GFM2: variants seen among roughly 807,000 people sequenced by gnomAD.
GFM2 encodes GTP dependent ribosome recycling factor mitochondrial 2.
Under a neutral mutation model 95.4 loss-of-function variants are expected in GFM2, and 72 were observed. The ratio of observed to expected loss-of-function variants is 0.76; its 90% CI spans 0.62 to 0.92. The LOEUF (loss-of-function observed/expected upper bound fraction) is 0.92. Among genes scored for constraint, GFM2 ranks in the 40% least tolerant of loss-of-function variants. The pLI is 0.00. For missense variants in GFM2, 825 were observed against 924.1 expected, an observed-to-expected ratio of 0.89 and a Z score of 1.39; for synonymous variants, 276 against 317.5, an observed-to-expected ratio of 0.87 and a Z score of 1.39.
At chr5:74,762,426 T>C (rs1744331023) in intron 2 of GFM2, among the ~76,000 whole-genome samples, 1 of 152,226 alleles carries the variant, frequency 6.6e-6, no homozygotes, top group South Asian at 2.1e-4. Flanking sequence ...TATGTGACCA[T>C]AATTTTTGTA....
In GFM2 at chr5:74,758,950, T is replaced by A. The variant is rs765471025; in HGVS notation, c.207-4A>T. ...CATAATTCCAATATTACGGATTCTGTTTAAAAGGAAAAAATAAGGTAAACT... is the reference window on the plus strand; with the variant it reads ...CATAATTCCAATATTACGGATTCTGATTAAAAGGAAAAAATAAGGTAAACT... On this transcript the variant is annotated splice_region_variant and splice_polypyrimidine_tract_variant and intron_variant, in intron 4 of 20. Transcript: ENST00000296805. 7 of 1,573,844 alleles carry A rather than the reference T, an allele frequency of 4.4e-6. No homozygotes were observed. The highest frequency in any genetic ancestry group is 8.7e-7 in the Non-Finnish European group (1 of 1,147,058).
chr5:74,731,575 C>A (rs1428994526), intron 16 of GFM2, among the ~76,000 whole-genome samples: 1 of 152,004 alleles, frequency 6.6e-6, no homozygotes, highest in African/African-American at 2.4e-5. Context: ...TTTGGCTGAT[C>A]CTAATTTAAA....
rs531991134 is a variant in GFM2 at position 74,728,878 on chromosome 5, C to A, written c.1726+1382G>T. Reference sequence around the variant, plus strand: ...TCAAGCAATTCTCCTGCCTCATCCTCCTGAGTAGCTGGGATTATAGGCACT... The same window carrying A: ...TCAAGCAATTCTCCTGCCTCATCCTACTGAGTAGCTGGGATTATAGGCACT... On this transcript the variant is annotated intron_variant, in intron 17 of 20. Transcript: ENST00000296805. 2.0e-5 allele frequency among the ~76,000 whole-genome samples: 3 copies of A among 149,964 alleles called. No homozygotes were observed. The East Asian group carries it at 6.0e-4, about 30-fold the overall frequency.
In GFM2 at chr5:74,758,944, A is replaced by T; in HGVS notation, c.209T>A (p.Ile70Asn). The T allele has an allele frequency of 6.3e-7, 1 of 1,591,786 alleles. No individual in the cohort carries two copies. The highest frequency in any genetic ancestry group is 8.6e-7 in the Non-Finnish European group (1 of 1,161,458). Residue 70 changes from isoleucine to asparagine, a missense_variant and splice_region_variant, in exon 5 of 21, where the codon ATC (isoleucine) becomes AAC (asparagine). Coordinates refer to ENST00000296805, the MANE Select transcript of GFM2 (RefSeq NM_032380.5). ...HSIINPPIAK[I>N]RNIGIMAHID... is the part of the protein sequence containing the mutation. ...ATGAGCCATAATTCCAATATTACGG[A>T]TTCTGTTTAAAAGGAAAAAATAAGG...
At chr5:74,755,537 GGAGATACTATA>G (rs1433698222) in intron 5 of GFM2, among the ~76,000 whole-genome samples, 2 of 152,026 alleles carry the variant, frequency 1.3e-5, no homozygotes, top group Non-Finnish European at 2.9e-5. Flanking sequence ...AAACAAAACA[GGAGATACTATA>G]ACTGATACCA....
rs1749890736 is a variant in GFM2 at position 74,721,709 on chromosome 5, G to C, written c.2286C>G (p.Ala762=). The change falls in exon 21 of 21, where the codon GCC becomes GCG. Residue 762 remains alanine, a synonymous_variant. Transcript: ENST00000296805. Reference sequence around the variant, plus strand: ...GTGTATTTTGATCTTGAGGATTCATGGCTTGATAAGTAGATAGTTCTAAGG... The same window carrying C: ...GTGTATTTTGATCTTGAGGATTCATCGCTTGATAAGTAGATAGTTCTAAGG... The part of the protein sequence containing the change: ...TFALELSTYQ[A]MNPQDQNTLL... The C allele has an allele frequency of 1.9e-6, 3 of 1,613,686 alleles. No individual in the cohort carries two copies. The East Asian group carries it at 6.7e-5, about 36-fold the overall frequency.
chr5:74,729,302 CT>C (rs2112226355), intron 17 of GFM2, among the ~76,000 whole-genome samples: 2 of 152,302 alleles, frequency 1.3e-5, no homozygotes, highest in Admixed American at 6.5e-5. Flanking sequence ...TTGCCCTCTG[CT>C]TTTGTGGAAA....
chr5:74,766,660 C>T lies in GFM2; in HGVS notation c.-25+278G>A, dbSNP rs192818221. The stretch of plus-strand genomic sequence containing the variant: ...TTCTTCTTTTCTAACAGCTGCAAAG[C>T]CCCAGTAGTTCCATTTTTCTGTACA... On this transcript the variant is annotated intron_variant, in intron 1 of 20. Coordinates refer to ENST00000296805, the MANE Select transcript of GFM2 (RefSeq NM_032380.5). 6.6e-5 allele frequency among the ~76,000 whole-genome samples: 10 copies of T among 152,324 alleles called. No homozygotes were observed. The East Asian group carries it at 1.9e-3, about 29-fold the overall frequency.
rs373499834 is a variant in GFM2 at position 74,751,394 on chromosome 5, T to C, written c.404A>G (p.Tyr135Cys). 3 of 1,613,146 alleles carry C rather than the reference T, an allele frequency of 1.9e-6. No individual in the cohort carries two copies. In the African/African-American group the frequency reaches 4.0e-5, roughly 22 times the overall value. Residue 135 changes from tyrosine (Y) to cysteine (C), a missense_variant, in exon 6 of 21, where the codon TAT (tyrosine) becomes TGT (cysteine). Tyr to Cys is a radical substitution (Grantham distance 194, BLOSUM62 -2). Coordinates refer to ENST00000296805, the MANE Select transcript of GFM2 (RefSeq NM_032380.5). The stretch of plus-strand genomic sequence containing the variant: ...TGGTGTATCAATTAGATTGACTCTA[T>C]AACCTTTCCAATCAAATGTAACAGC... Reference protein sequence around the residue: ...SAAVTFDWKGYRVNLIDTPGH... With the variant: ...SAAVTFDWKGCRVNLIDTPGH...
In GFM2 at chr5:74,765,147, T is replaced by C. The variant is rs1744495751; in HGVS notation, c.-24-1381A>G. The C allele has an allele frequency of 2.6e-6, 3 of 1,155,692 alleles. No homozygotes were observed. The African/African-American group carries it at 4.8e-5, about 19-fold the overall frequency. The allele number at this position is 1,155,692 out of a possible 1,614,324, so 71.6% of individuals were successfully genotyped here. A position where few individuals can be genotyped will look rare whatever the true frequency, so the allele number is the denominator to read the frequency against. The stretch of plus-strand genomic sequence containing the variant: ...TCAGGGCCTCATAGTCTCTCCACAG[T>C]TGTGACTGTAATAGACATTTTCCTC... On this transcript the variant is annotated intron_variant, in intron 1 of 20. Coordinates refer to ENST00000296805, the MANE Select transcript of GFM2 (RefSeq NM_032380.5).
At chr5:74,751,920 C>A (rs1208502540) in intron 5 of GFM2, among the ~76,000 whole-genome samples, 1 of 152,090 alleles carries the variant, frequency 6.6e-6, no homozygotes, top group Non-Finnish European at 1.5e-5. Context: ...TTGAGGCAAA[C>A]TACTTAACCT....
chr5:74,761,034 C>T, intron 2 of GFM2, 48 bp from the exon 3 acceptor site: 1 of 1,021,376 alleles, frequency 9.8e-7, no homozygotes, highest in Non-Finnish European at 1.5e-6. Flanking sequence ...TTTAGCATCA[C>T]TTATTACAGT....
intron 19 of GFM2, among the ~76,000 whole-genome samples, chr5:74,724,141 A>C (rs2112204982): frequency 6.6e-6 from 1 of 152,310 alleles, no homozygotes; most frequent in South Asian, 2.1e-4. Flanking sequence ...AAGCCCCCAT[A>C]AAGTTAATTC....
intron 16 of GFM2, chr5:74,730,652 T>C: frequency 3.4e-6 from 1 of 294,482 alleles, no homozygotes. Context: ...GCTGGGCAAG[T>C]AGCATCTGGC....
chr5:74,738,933 T>C (rs772444243), intron 12 of GFM2, among the ~76,000 whole-genome samples: 1 of 152,130 alleles, frequency 6.6e-6, no homozygotes, highest in Non-Finnish European at 1.5e-5. Flanking sequence ...CCTGGGAATA[T>C]CACACTACTT....
At chr5:74,752,035 T>C (rs751818984) in intron 5 of GFM2, among the ~76,000 whole-genome samples, 16 of 152,122 alleles carry the variant, frequency 1.1e-4, no homozygotes, top group Non-Finnish European at 2.1e-4. Context: ...TGATAAATGA[T>C]AGCCACACGG....
intron 20 of GFM2, 159 bp downstream of exon 20, chr5:74,722,220 C>T (rs987536979): frequency 1.5e-6 from 1 of 646,222 alleles, no homozygotes; most frequent in Non-Finnish European, 2.6e-6. Context: ...AATTTAAATT[C>T]AAAGTCCTAA....
chr5:74,744,257 T>C lies in GFM2; in HGVS notation c.849+1421A>G, dbSNP rs112611281. ...TGGTAAGTATTTGTGTATCTCAACA[T>C]AGAAAAGGTACAGGAAAAATATAGT... On this transcript the variant is annotated intron_variant, in intron 10 of 20. Transcript: ENST00000296805. Among the ~76,000 whole-genome samples, 631 of 152,080 alleles carry C rather than the reference T, an allele frequency of 4.1e-3. 6 individuals are homozygous for C. The highest frequency in any genetic ancestry group is 0.017 in the South Asian group (83 of 4,820).
At chr5:74,759,315 C>A in intron 4 of GFM2, 54 bp downstream of exon 4, 1 of 1,025,730 alleles carries the variant, frequency 9.7e-7, no homozygotes, top group Non-Finnish European at 1.5e-6. Flanking sequence ...CAGAAAAAAC[C>A]TGTAAATTTT....
Sources: gnomAD v4.1 joint callset for allele counts (sites outside exome capture counted in the v4.1 genomes callset) on GRCh38, gnomAD v4.1.1 for gene constraint, MANE v1.5 for transcripts, NCBI Gene and HGNC (gene_info 2026-07-23, HGNC 2026-07-21) for gene names.